Variants in REV3L observed in about 807,000 individuals in gnomAD.
The protein encoded by REV3L is DNA polymerase zeta catalytic subunit.
Under a neutral mutation model 299.4 loss-of-function variants are expected in REV3L, and 69 were observed. That is an observed-to-expected ratio of 0.23 (90% CI 0.19 to 0.28). The LOEUF is 0.28. Ranked by LOEUF, REV3L falls within the 10% of genes least tolerant of loss-of-function variation. The probability of loss-of-function intolerance (pLI) is 1.00; values close to 1 mark genes in which losing one functional copy is unlikely to be tolerated. For synonymous variants in REV3L, 1,238 were observed against 1,271.4 expected (o/e 0.97, Z 0.56); for missense variants, 3,128 against 3,693.8 (o/e 0.85, Z 3.97).
chr6:111,481,317 T>A (rs1793612289), intron 1 of REV3L, among the ~76,000 whole-genome samples: 1 of 152,154 alleles, frequency 6.6e-6, no homozygotes, highest in Non-Finnish European at 1.5e-5. Flanking sequence ...ACCACTATAT[T>A]TAAAAGGGCA....
At chr6:111,325,354 GAC>G (rs2114797791) in intron 25 of REV3L, among the ~76,000 whole-genome samples, 1 of 152,318 alleles carries the variant, frequency 6.6e-6, no homozygotes, top group South Asian at 2.1e-4. Context: ...GTCCAACTGA[GAC>G]AGAGACATTA....
At chr6:111,406,006 T>C (rs769855905) in intron 3 of REV3L, among the ~76,000 whole-genome samples, 2 of 152,206 alleles carry the variant, frequency 1.3e-5, no homozygotes, top group African/African-American at 2.4e-5. Context: ...CTCAGAGGTA[T>C]TGCCATTTTG....
intron 15 of REV3L, among the ~76,000 whole-genome samples, chr6:111,364,766 T>C (rs921522397): frequency 6.6e-6 from 1 of 152,174 alleles, no homozygotes; most frequent in African/African-American, 2.4e-5. Context: ...AGTTTTGTCA[T>C]ATTTTTAGTA....
At chr6:111,454,103 AC>A (rs1446729657) in intron 1 of REV3L, among the ~76,000 whole-genome samples, 4 of 149,914 alleles carry the variant, frequency 2.7e-5, no homozygotes, top group African/African-American at 1.0e-4. Flanking sequence ...TTAATTTCAA[AC>A]TTTTTTTTTT....
intron 26 of REV3L, among the ~76,000 whole-genome samples, chr6:111,318,122 C>G (rs1050059807): frequency 1.3e-5 from 2 of 150,932 alleles, no homozygotes; most frequent in East Asian, 1.9e-4. Flanking sequence ...GAGTCTTGCT[C>G]TGTCACCCAG....
intron 14 of REV3L, among the ~76,000 whole-genome samples, chr6:111,366,844 G>A (rs918592700): frequency 3.3e-5 from 5 of 152,170 alleles, no homozygotes; most frequent in African/African-American, 1.2e-4. Flanking sequence ...ACCTGGGTAT[G>A]TATAAAAGCC....
chr6:111,432,938 C>T (rs1294631066), intron 1 of REV3L, among the ~76,000 whole-genome samples: 2 of 152,106 alleles, frequency 1.3e-5, no homozygotes, highest in Non-Finnish European at 2.9e-5. Context: ...CAACATTCTC[C>T]TGAATGACCA....
At chr6:111,429,704 C>T (rs1034546275) in intron 1 of REV3L, among the ~76,000 whole-genome samples, 1 of 152,122 alleles carries the variant, frequency 6.6e-6, no homozygotes, top group Admixed American at 6.5e-5. Flanking sequence ...TTTAGCTTCT[C>T]GAGAGGGGCC....
At chr6:111,466,791 G>A (rs1032838332) in intron 1 of REV3L, among the ~76,000 whole-genome samples, 6 of 152,134 alleles carry the variant, frequency 3.9e-5, no homozygotes, top group South Asian at 2.1e-4. Context: ...GCAGTGAGCC[G>A]AGATCGCACC....
chr6:111,311,123 C>G lies in REV3L; in HGVS notation c.8741G>C (p.Arg2914Thr). The G allele has an allele frequency of 6.2e-7, 1 of 1,614,112 alleles. No individual in the cohort carries two copies. Among genetic ancestry groups the G allele is most frequent in the Non-Finnish European group, 8.5e-7 (1 of 1,179,984 alleles). The change falls in exon 29 of 32, where the codon AGA (arginine) becomes ACA (threonine). Residue 2914 changes from arginine to threonine, a missense_variant. Physicochemically the swap from Arg to Thr is moderately conservative, Grantham distance 71. This residue lies in a region of REV3L where 294 missense variants were observed against 377.0 expected (regional missense o/e 0.78). Coordinates refer to ENST00000368802, the MANE Select transcript of REV3L (RefSeq NM_001372078.1). ...TCCTGGTTTATAAGAAAAACTTCCT[C>G]TGTATTCCTTGGCAAAGATAAAGTC... is the stretch of plus-strand genomic sequence containing the variant. ...IQDFIFAKEY[R>T]GSFSYKPGAC...
At chr6:111,440,484 T>C (rs1438010207) in intron 1 of REV3L, among the ~76,000 whole-genome samples, 2 of 152,170 alleles carry the variant, frequency 1.3e-5, no homozygotes, top group African/African-American at 2.4e-5. Context: ...CTAGTTACAA[T>C]GATTTAAAAT....
At position 111,374,928 on chromosome 6, in the gene REV3L, C is replaced by T. The variant is rs545698980; in HGVS notation, c.3427G>A (p.Ala1143Thr). The change falls in exon 13 of 32, where the codon GCA becomes ACA. Residue 1143 changes from alanine to threonine, a missense_variant. Transcript: ENST00000368802. The stretch of plus-strand genomic sequence containing the variant: ...TTAAAAAGCATTGCCTCTTTTTCTG[C>T]AGCAGCCATGATTTCTTCAGCTCTT... ...DPRAEEIMAA[A>T]EKEAMLFKGP... The T allele has an allele frequency of 6.2e-7, 1 of 1,612,568 alleles. No individual in the cohort carries two copies. The highest frequency in any genetic ancestry group is 1.7e-5 in the Admixed American group (1 of 59,690).
intron 26 of REV3L, among the ~76,000 whole-genome samples, chr6:111,320,161 C>T (rs947496154): frequency 5.9e-5 from 9 of 151,758 alleles, no homozygotes; most frequent in Admixed American, 1.3e-4. Context: ...CTCTGCCTCC[C>T]GGGTTCTAGC....
At chr6:111,405,082 T>C (rs936540250) in intron 4 of REV3L, among the ~76,000 whole-genome samples, 1 of 151,022 alleles carries the variant, frequency 6.6e-6, no homozygotes, top group Non-Finnish European at 1.5e-5. Context: ...TCCTAAAATA[T>C]AAAAAGTAAC....
chr6:111,369,841 T>C (rs1370205664), intron 13 of REV3L, among the ~76,000 whole-genome samples: 2 of 152,058 alleles, frequency 1.3e-5, no homozygotes, highest in Non-Finnish European at 2.9e-5. Flanking sequence ...GAATATACAG[T>C]TTCATTTTTT....
rs1780229089 is a variant in REV3L, at chr6:111,375,659, A to G, written c.2696T>C (p.Phe899Ser). 1.2e-6 allele frequency: 2 copies of G among 1,613,954 alleles called. No homozygotes were observed. The highest frequency in any genetic ancestry group is 1.1e-5 in the South Asian group (1 of 91,058). The change falls in exon 13 of 32, where the codon TTT becomes TCT. Residue 899 changes from phenylalanine (F) to serine (S), a missense_variant. This residue lies in a region of REV3L where 2,409 missense variants were observed against 2,611.8 expected (regional missense o/e 0.92). Coordinates refer to ENST00000368802, the MANE Select transcript of REV3L (RefSeq NM_001372078.1). ...TPTDGFIDCH[F>S]GDGTLETEQS... ...CTCAGTTTCTAACGTTCCATCTCCA[A>G]AGTGACAGTCTATAAAACCATCTGT... is the stretch of plus-strand genomic sequence containing the variant.
intron 1 of REV3L, among the ~76,000 whole-genome samples, chr6:111,454,374 T>A (rs1380565700): frequency 6.8e-6 from 1 of 147,336 alleles, no homozygotes; most frequent in Non-Finnish European, 1.5e-5. Context: ...CCTTCATGAA[T>A]TTTTTTTTTT....
intron 1 of REV3L, among the ~76,000 whole-genome samples, chr6:111,429,704 C>G (rs1034546275): frequency 1.3e-5 from 2 of 152,122 alleles, no homozygotes; most frequent in Non-Finnish European, 1.5e-5. Flanking sequence ...TTTAGCTTCT[C>G]GAGAGGGGCC....
intron 4 of REV3L, among the ~76,000 whole-genome samples, chr6:111,398,789 A>G (rs1486322810): frequency 2.6e-5 from 4 of 152,194 alleles, no homozygotes; most frequent in African/African-American, 9.6e-5. Context: ...ACATGATTTC[A>G]GTATAATCTT....
Sources: allele counts gnomAD v4.1 joint callset (sites outside exome capture counted in the v4.1 genomes callset), GRCh38; gene constraint gnomAD v4.1.1; regional missense constraint gnomAD v4.1.1; transcripts MANE v1.5; gene names NCBI Gene and HGNC (gene_info 2026-07-23, HGNC 2026-07-21).